Variants in AADAT observed in about 807,000 individuals in gnomAD.
AADAT encodes aminoadipate aminotransferase.
In AADAT, 25 loss-of-function variants were observed where a neutral mutation model predicts 56.2. That is an observed-to-expected ratio of 0.44 (90% CI 0.32 to 0.62). The LOEUF (loss-of-function observed/expected upper bound fraction) is 0.62. AADAT is among the 20% of genes least tolerant of loss of function. The pLI, the probability that AADAT is intolerant of heterozygous loss-of-function variation, is 0.04. For synonymous variants in AADAT, 173 were observed against 164.7 expected (o/e 1.05, Z -0.39); for missense variants, 387 against 510.5 (o/e 0.76, Z 2.33).
At chr4:170,077,896 T>A (rs1732113088) in intron 4 of AADAT, among the ~76,000 whole-genome samples, 1 of 152,236 alleles carries the variant, frequency 6.6e-6, no homozygotes, top group Admixed American at 6.5e-5. Flanking sequence ...ATTCATCATA[T>A]GATATGGCTT....
At chr4:170,076,194 A>C (rs1418057644) in intron 4 of AADAT, among the ~76,000 whole-genome samples, 1 of 152,152 alleles carries the variant, frequency 6.6e-6, no homozygotes, top group Non-Finnish European at 1.5e-5. Context: ...ATACCATTTT[A>C]CATTTCCTTC....
chr4:170,080,917 A>C (rs561432168), intron 3 of AADAT, among the ~76,000 whole-genome samples: 2 of 152,338 alleles, frequency 1.3e-5, no homozygotes, highest in East Asian at 3.9e-4. Flanking sequence ...AACAATAGCC[A>C]ACAGGAAACC....
chr4:170,067,511 A>G, intron 8 of AADAT, 123 bp from the exon 9 acceptor site: 1 of 638,606 alleles, frequency 1.6e-6, no homozygotes, highest in Non-Finnish European at 2.8e-6. Context: ...AGCTGAGCCT[A>G]GCTTATATAG....
chr4:170,079,750 A>C (rs189309954), intron 3 of AADAT, among the ~76,000 whole-genome samples: 52 of 152,308 alleles, frequency 3.4e-4, no homozygotes, highest in African/African-American at 1.2e-3. Flanking sequence ...ACACATAACC[A>C]AAAAGCCATC....
chr4:170,062,035 A>G (rs1731218163), intron 11 of AADAT, 42 bp from the exon 12 acceptor site: 4 of 1,388,990 alleles, frequency 2.9e-6, no homozygotes, highest in Middle Eastern at 1.8e-4. Context: ...CCACTAAAGA[A>G]AAACTCAAAG....
chr4:170,068,988 GA>G (rs985463003), intron 7 of AADAT, among the ~76,000 whole-genome samples, 159 bp downstream of exon 7: 1 of 151,822 alleles, frequency 6.6e-6, no homozygotes, highest in African/African-American at 2.4e-5. Flanking sequence ...TGAATAAAGG[GA>G]AAAAAAGGCC....
intron 11 of AADAT, among the ~76,000 whole-genome samples, chr4:170,062,471 T>C (rs1340495915): frequency 6.6e-6 from 1 of 152,198 alleles, no homozygotes; most frequent in Non-Finnish European, 1.5e-5. Flanking sequence ...GTAAAGGCCC[T>C]GAGATGGGAA....
intron 8 of AADAT, among the ~76,000 whole-genome samples, 174 bp downstream of exon 8, chr4:170,068,417 A>G (rs1731589180): frequency 6.6e-6 from 1 of 152,152 alleles, no homozygotes; most frequent in Non-Finnish European, 1.5e-5. Context: ...AGTTTACTTT[A>G]TTTTAATTAA....
At chr4:170,080,588 T>C (rs1732251112) in intron 3 of AADAT, among the ~76,000 whole-genome samples, 2 of 152,156 alleles carry the variant, frequency 1.3e-5, no homozygotes, top group Non-Finnish European at 2.9e-5. Flanking sequence ...AGAGTGACTG[T>C]TCAGCAGCAC....
chr4:170,092,983 A>C (rs549922109), upstream of AADAT, among the ~76,000 whole-genome samples: 181 of 152,334 alleles, frequency 1.2e-3, 1 homozygote, highest in Non-Finnish European at 1.3e-3. Context: ...TTTTTATAGA[A>C]GTTAACAAGC....
chr4:170,060,873 C>T lies in AADAT; in HGVS notation c.*55G>A. 1 of 1,437,116 alleles carries T rather than the reference C, an allele frequency of 7.0e-7. No homozygotes were observed. The highest frequency in any genetic ancestry group is 9.3e-7 in the Non-Finnish European group (1 of 1,071,584). The allele number at this position is 1,437,116 out of a possible 1,614,324, so 89.0% of individuals were successfully genotyped here. A position where few individuals can be genotyped will look rare whatever the true frequency, so the allele number is the denominator to read the frequency against. On this transcript the variant is annotated 3_prime_UTR_variant, in exon 13 of 13. Transcript: ENST00000337664. ...CAAGTGATCCTCCCTCCTCTGCCTC[C>T]CAAAGTGCTGGGATTATAGGTGTGA...
upstream of AADAT, among the ~76,000 whole-genome samples, chr4:170,092,523 G>T (rs995149070): frequency 2.6e-5 from 4 of 152,154 alleles, no homozygotes; most frequent in Admixed American, 1.3e-4. Flanking sequence ...CACACCGCGA[G>T]TGTCTGCGGC....
intron 8 of AADAT, 70 bp from the exon 9 acceptor site, chr4:170,067,458 C>T (rs1731526650): frequency 1.6e-6 from 2 of 1,262,464 alleles, no homozygotes; most frequent in Non-Finnish European, 2.3e-6. Context: ...TATATAAAAG[C>T]AACTCACTTT....
At chr4:170,089,191 T>C (rs748000273) in intron 1 of AADAT, 28 of 332,652 alleles carry the variant, frequency 8.4e-5, no homozygotes, top group Non-Finnish European at 1.1e-4. Context: ...AGGGCCACAA[T>C]AGCAGAAGCC....
At chr4:170,072,992 C>T (rs919780378) in intron 5 of AADAT, 144 bp downstream of exon 5, 6 of 669,444 alleles carry the variant, frequency 9.0e-6, no homozygotes, top group Non-Finnish European at 1.5e-5. Flanking sequence ...TTATTAGGAC[C>T]CTGAGCATAT....
upstream of AADAT, among the ~76,000 whole-genome samples, chr4:170,091,407 G>A (rs893755715): frequency 9.8e-5 from 15 of 152,312 alleles, no homozygotes; most frequent in East Asian, 7.7e-4. Flanking sequence ...CAGTCTCCCA[G>A]CAATGCCGGC....
upstream of AADAT, among the ~76,000 whole-genome samples, chr4:170,092,270 G>A (rs1732881611): frequency 6.6e-6 from 1 of 152,230 alleles, no homozygotes; most frequent in Non-Finnish European, 1.5e-5. Flanking sequence ...GCTTTTATGA[G>A]TTGTAACACT....
intron 5 of AADAT, among the ~76,000 whole-genome samples, chr4:170,071,529 T>A (rs1448879749): frequency 6.6e-6 from 1 of 152,206 alleles, no homozygotes; most frequent in East Asian, 1.9e-4. Flanking sequence ...GTTACCTAGC[T>A]CTGCAAGGCA....
In AADAT at chr4:170,060,825, C is replaced by T. The variant is rs536876521; in HGVS notation, c.*103G>A. 2 of 957,286 alleles carry T rather than the reference C, an allele frequency of 2.1e-6. No individual in the cohort carries two copies. Among genetic ancestry groups the T allele is most frequent in the Non-Finnish European group, 1.5e-6 (1 of 660,790 alleles). The allele number at this position is 957,286 out of a possible 1,614,324, so 59.3% of individuals were successfully genotyped here. A position where few individuals can be genotyped will look rare whatever the true frequency, so the allele number is the denominator to read the frequency against. On this transcript the variant is annotated 3_prime_UTR_variant, in exon 13 of 13. Transcript: ENST00000337664. ...AGTGCAGTGGTGTGATCGTAGCTTA[C>T]TGCAGCCTTGAATTCCTGGGTTCAA...
Sources: gnomAD v4.1 joint callset for allele counts (sites outside exome capture counted in the v4.1 genomes callset) on GRCh38, gnomAD v4.1.1 for gene constraint, MANE v1.5 for transcripts, NCBI Gene and HGNC (gene_info 2026-07-23, HGNC 2026-07-21) for gene names.